PAXIP1: variants seen among roughly 807,000 people sequenced by gnomAD.
The protein encoded by PAXIP1 is PAX interacting protein 1.
A neutral mutation model predicts 140.6 loss-of-function variants in PAXIP1; 19 were observed. That is an observed-to-expected ratio of 0.14 (90% CI 0.09 to 0.20). The LOEUF (loss-of-function observed/expected upper bound fraction) is 0.20. Ranked by LOEUF, PAXIP1 falls within the 10% of genes least tolerant of loss-of-function variation. The pLI is 1.00. For synonymous variants in PAXIP1, 442 were observed against 444.6 expected (o/e 0.99, Z 0.07); for missense variants, 920 against 1,208.6 (o/e 0.76, Z 3.54).
chr7:154,949,491 G>C (rs1394170529), intron 16 of PAXIP1: 1 of 152,032 alleles, frequency 6.6e-6, no homozygotes, highest in Non-Finnish European at 1.5e-5. Context: ...AATTAAAAAA[G>C]GAACAAAAAA....
At position 154,975,714 on chromosome 7, in the gene PAXIP1, C is replaced by T; in HGVS notation, c.1056G>A (p.Arg352=). The T allele has an allele frequency of 1.2e-6, 2 of 1,609,938 alleles. No homozygotes were observed. The highest frequency in any genetic ancestry group is 1.7e-6 in the Non-Finnish European group (2 of 1,176,832). ...TNNADIQQMN[R]PSNVAHILQT... ...GACTTACATGTGCTACATTTGATGG[C>T]CGGTTCATCTGCTGAATGTCAGCAT... Residue 352 remains arginine (R), a synonymous_variant, in exon 6 of 21, where the codon CGG becomes CGA. Transcript: ENST00000404141.
At chr7:154,988,414 G>A (rs987511673) in intron 4 of PAXIP1, among the ~76,000 whole-genome samples, 1 of 152,030 alleles carries the variant, frequency 6.6e-6, no homozygotes, top group Non-Finnish European at 1.5e-5. Flanking sequence ...ATGTATGTAT[G>A]TCTACACTAT....
rs61752005 is a variant in PAXIP1 at position 154,959,895 on chromosome 7, A to C, written c.2473T>G (p.Leu825Val). Reference sequence around the variant, plus strand: ...AGGTTATTAATTTGACATACCATCAACAACTCTGCAGACACTTTTAAGGGA... The same window carrying C: ...AGGTTATTAATTTGACATACCATCACCAACTCTGCAGACACTTTTAAGGGA... Reference protein sequence around the residue: ...RVPLKVSAELLMSIRLPPKLK... With the variant: ...RVPLKVSAELVMSIRLPPKLK... The change falls in exon 13 of 21, where the codon TTG becomes GTG. Residue 825 changes from leucine to valine, a missense_variant. Around this residue, in one of 5 missense-constraint regions of PAXIP1, gnomAD observed 303 missense variants for 517.9 expected, o/e 0.59. Coordinates refer to ENST00000404141, the MANE Select transcript of PAXIP1 (RefSeq NM_007349.4). The C allele has an allele frequency of 6.9e-6, 11 of 1,600,380 alleles. No individual in the cohort carries two copies. The East Asian group carries it at 2.5e-4, about 36-fold the overall frequency.
chr7:154,949,614 ACAC>A (rs1223825139), intron 16 of PAXIP1: 1 of 152,102 alleles, frequency 6.6e-6, no homozygotes, highest in Non-Finnish European at 1.5e-5. Context: ...GATAGAGAAA[ACAC>A]CACCGGGCGC....
chr7:154,987,014 C>A (rs1436093395), intron 4 of PAXIP1, among the ~76,000 whole-genome samples: 2 of 152,248 alleles, frequency 1.3e-5, no homozygotes, highest in Non-Finnish European at 2.9e-5. Flanking sequence ...AGCAGAGCCC[C>A]TTCCCAGAAC....
At chr7:154,985,043 C>T (rs1054155073) in intron 4 of PAXIP1, among the ~76,000 whole-genome samples, 1 of 152,058 alleles carries the variant, frequency 6.6e-6, no homozygotes, top group South Asian at 2.1e-4. Flanking sequence ...CTTCCATGAC[C>T]CAGATTCTTC....
chr7:154,959,650 G>C (rs958201313), intron 13 of PAXIP1, among the ~76,000 whole-genome samples: 1 of 152,116 alleles, frequency 6.6e-6, no homozygotes, highest in African/African-American at 2.4e-5. Context: ...AGAGACCCGG[G>C]ACTCCTTAAG....
intron 13 of PAXIP1, among the ~76,000 whole-genome samples, chr7:154,957,973 CAA>C (rs35027196): frequency 4.4e-5 from 4 of 91,714 alleles, no homozygotes; most frequent in African/African-American, 1.3e-4. Flanking sequence ...GACTCCGTCT[CAA>C]AAAAAAAAAA....
At chr7:154,959,695 A>G (rs1382687341) in intron 13 of PAXIP1, among the ~76,000 whole-genome samples, 195 bp downstream of exon 13, 1 of 152,150 alleles carries the variant, frequency 6.6e-6, no homozygotes, top group Admixed American at 6.5e-5. Flanking sequence ...TTACACACCC[A>G]TTGCTTCCAG....
Position 154,964,012 on chromosome 7 carries a change from C to A in PAXIP1, c.1894-246G>T, listed in dbSNP as rs1296239260. Reference sequence around the variant, plus strand: ...GATACAAGAGAAGAACAATGGAATGCACTCCAGGGCTTCTCAAGCTCAATG... The same window carrying A: ...GATACAAGAGAAGAACAATGGAATGAACTCCAGGGCTTCTCAAGCTCAATG... On this transcript the variant is annotated intron_variant, in intron 8 of 20. Transcript: ENST00000404141. 10 of 444,568 alleles carry A rather than the reference C, an allele frequency of 2.2e-5. No individual in the cohort carries two copies. In the East Asian group the frequency reaches 4.2e-4, roughly 19 times the overall value. 27.5% of individuals were successfully genotyped at this position (444,568 alleles called of 1,614,324 possible).
chr7:154,993,767 A>C lies in PAXIP1; in HGVS notation c.219T>G (p.Pro73=). The C allele has an allele frequency of 1.3e-6, 2 of 1,582,466 alleles. No individual in the cohort carries two copies. The highest frequency in any genetic ancestry group is 8.6e-7 in the Non-Finnish European group (1 of 1,164,716). Reference sequence around the variant, plus strand: ...ACTGAACGGACAGAATCACCCAAGAAGGCTGAAAAAGAAAAGATTAAATCA... The same window carrying C: ...ACTGAACGGACAGAATCACCCAAGACGGCTGAAAAAGAAAAGATTAAATCA... ...REVFDLPVVK[P]SWVILSVQCG... Residue 73 remains proline, a splice_region_variant and synonymous_variant, in exon 3 of 21, where the codon CCT becomes CCG. Coordinates refer to ENST00000404141, the MANE Select transcript of PAXIP1 (RefSeq NM_007349.4).
intron 2 of PAXIP1, among the ~76,000 whole-genome samples, chr7:154,996,829 T>C (rs949397529): frequency 1.3e-5 from 2 of 152,186 alleles, no homozygotes; most frequent in African/African-American, 2.4e-5. Context: ...TGCTACAAAG[T>C]ACTTATTACA....
chr7:154,977,105 C>T (rs1176567440), intron 5 of PAXIP1, among the ~76,000 whole-genome samples: 2 of 152,098 alleles, frequency 1.3e-5, no homozygotes, highest in Non-Finnish European at 2.9e-5. Context: ...GCAGAAAATA[C>T]AGCCCACTGG....
intron 4 of PAXIP1, 134 bp downstream of exon 4, chr7:154,990,872 G>T (rs1810299636): frequency 7.7e-6 from 4 of 521,408 alleles, no homozygotes; most frequent in Non-Finnish European, 1.4e-5. Flanking sequence ...TAAGTGTCAT[G>T]AGTTTATATT....
chr7:154,981,287 G>A (rs1809831432), intron 5 of PAXIP1, among the ~76,000 whole-genome samples: 1 of 152,164 alleles, frequency 6.6e-6, no homozygotes, highest in Admixed American at 6.5e-5. Context: ...ACTAATGGCT[G>A]CGTATTAGTG....
At position 154,946,927 on chromosome 7, in the gene PAXIP1, CATT is replaced by C. The variant is rs1808008567; in HGVS notation, c.2923-117_2923-115del. ...TTTGACAAAATTTCAAATTTTATGA[CATT>C]ATGAAGGTACTATTCTCCTACTAGC... is the stretch of plus-strand genomic sequence containing the variant. On this transcript the variant is annotated intron_variant, in intron 17 of 20. Transcript: ENST00000404141. The surrounding 1 kb of genome is among the most constrained non-coding windows in gnomAD (Gnocchi z 4.9). 2.0e-5 allele frequency: 15 copies of C among 745,276 alleles called. No individual in the cohort carries two copies. The highest frequency in any genetic ancestry group is 3.8e-4 in the Middle Eastern group (1 of 2,608). The allele number at this position is 745,276 out of a possible 1,614,324, so 46.2% of individuals were successfully genotyped here. A position where few individuals can be genotyped will look rare whatever the true frequency, so the allele number is the denominator to read the frequency against.
chr7:154,994,142 A>G (rs1472572265), intron 2 of PAXIP1, among the ~76,000 whole-genome samples: 1 of 152,158 alleles, frequency 6.6e-6, no homozygotes, highest in Non-Finnish European at 1.5e-5. Context: ...TCCCTTCTTG[A>G]ATCCCAAATT....
At chr7:154,994,826 A>C (rs1810498300) in intron 2 of PAXIP1, among the ~76,000 whole-genome samples, 1 of 152,216 alleles carries the variant, frequency 6.6e-6, no homozygotes, top group Non-Finnish European at 1.5e-5. Context: ...TTTGACATTT[A>C]CCAAAGGTTT....
At chr7:154,948,927 A>C (rs1808134855) in intron 16 of PAXIP1, 1 of 152,186 alleles carries the variant, frequency 6.6e-6, no homozygotes, top group South Asian at 2.1e-4. Flanking sequence ...GGATAGTTTT[A>C]TCAATTTTTA....
Sources: gnomAD v4.1 joint callset for allele counts (sites outside exome capture counted in the v4.1 genomes callset) on GRCh38, gnomAD v4.1.1 for gene constraint, gnomAD v4.1.1 regional missense constraint, Gnocchi (gnomAD v3.1) non-coding constraint, MANE v1.5 for transcripts, NCBI Gene and HGNC (gene_info 2026-07-23, HGNC 2026-07-21) for gene names.